SEPTIN11: variants seen among roughly 807,000 people sequenced by gnomAD.
SEPTIN11 encodes septin-11.
SEPTIN11 carries 25 observed loss-of-function variants against 51.4 expected under a neutral mutation model. That is an observed-to-expected ratio of 0.49 (90% CI 0.35 to 0.68). The LOEUF is 0.68. Among genes scored for constraint, SEPTIN11 ranks in the 30% least tolerant of loss-of-function variants. SEPTIN11 has a pLI of 0.00. For synonymous variants in SEPTIN11, 174 were observed against 184.1 expected (o/e 0.95, Z 0.44); for missense variants, 381 against 520.8 (o/e 0.73, Z 2.61).
rs1374662852 is a variant in SEPTIN11, at chr4:77,038,289, G to T, written c.*3777G>T. 1 of 985,378 alleles carries T rather than the reference G, an allele frequency of 1.0e-6. No homozygotes were observed. The highest frequency in any genetic ancestry group is 1.2e-6 in the Non-Finnish European group (1 of 829,634). 61.0% of individuals were successfully genotyped at this position (985,378 alleles called of 1,614,324 possible). ...TCTTAATTTTAAAATATGCTGATAT[G>T]CCTTAAACTGTAGTTGTAGATCCTT... On this transcript the variant is annotated 3_prime_UTR_variant, in exon 10 of 10. Coordinates refer to ENST00000264893, the MANE Select transcript of SEPTIN11 (RefSeq NM_018243.4).
chr4:77,026,010 A>G (rs1355829526), intron 7 of SEPTIN11, among the ~76,000 whole-genome samples: 15 of 152,154 alleles, frequency 9.9e-5, no homozygotes, highest in African/African-American at 3.6e-4. Flanking sequence ...TTTCACTATA[A>G]AAAGCATTTT....
At chr4:77,018,277 C>T (rs186180704) in intron 5 of SEPTIN11, among the ~76,000 whole-genome samples, 104 of 152,086 alleles carry the variant, frequency 6.8e-4, no homozygotes, top group African/African-American at 1.9e-3. Context: ...GGTGAAACCC[C>T]GTTTCTACTA....
intron 1 of SEPTIN11, among the ~76,000 whole-genome samples, chr4:76,966,459 A>G (rs550024697): frequency 1.3e-5 from 2 of 152,056 alleles, no homozygotes; most frequent in African/African-American, 4.8e-5. Flanking sequence ...CAAGATGAGT[A>G]TAGCTGACTT....
intron 1 of SEPTIN11, among the ~76,000 whole-genome samples, chr4:76,961,184 G>A (rs1215493436): frequency 1.3e-5 from 2 of 152,150 alleles, no homozygotes; most frequent in Non-Finnish European, 2.9e-5. Context: ...AAATAATAAG[G>A]CCCATTTTAT....
At chr4:77,029,789 T>TAC (rs202091484) in intron 8 of SEPTIN11, among the ~76,000 whole-genome samples, 6,830 of 151,810 alleles carry the variant, frequency 0.045, 232 homozygotes, top group East Asian at 0.094. Context: ...CACATATATA[T>TAC]ACACACACAT....
intron 2 of SEPTIN11, among the ~76,000 whole-genome samples, chr4:77,000,061 A>C (rs909012153): frequency 7.2e-5 from 11 of 152,210 alleles, no homozygotes; most frequent in African/African-American, 2.7e-4. Context: ...AAAAAACCTC[A>C]TCCACATTGA....
chr4:77,011,768 G>A lies in SEPTIN11; in HGVS notation c.372G>A (p.Gln124=). 2.5e-6 allele frequency: 4 copies of A among 1,614,134 alleles called. No individual in the cohort carries two copies. The highest frequency in any genetic ancestry group is 3.4e-6 in the Non-Finnish European group (4 of 1,179,994). Residue 124 remains glutamine, a synonymous_variant, in exon 4 of 10, where the codon CAG becomes CAA. Transcript: ENST00000264893. The stretch of plus-strand genomic sequence containing the variant: ...CGATAGTAGAATATATTGATGCCCA[G>A]TTCGAGGCCTACCTGCAAGAGGAAT... The part of the protein sequence containing the change: ...YKPIVEYIDA[Q]FEAYLQEELK...
intron 3 of SEPTIN11, among the ~76,000 whole-genome samples, chr4:77,006,819 G>A (rs1237295249): frequency 6.6e-6 from 1 of 152,102 alleles, no homozygotes; most frequent in South Asian, 2.1e-4. Flanking sequence ...GAAATGCCTA[G>A]ATATATTTTA....
chr4:76,977,598 G>A (rs1722560858), intron 1 of SEPTIN11, among the ~76,000 whole-genome samples: 1 of 151,994 alleles, frequency 6.6e-6, no homozygotes, highest in Admixed American at 6.6e-5. Context: ...GGATAATGGA[G>A]TTTCATCAGT....
intron 2 of SEPTIN11, among the ~76,000 whole-genome samples, chr4:76,998,371 C>T (rs767434847): frequency 6.6e-6 from 1 of 152,126 alleles, no homozygotes; most frequent in Non-Finnish European, 1.5e-5. Context: ...CTTTTGGTGG[C>T]TTACAGTTCT....
intron 1 of SEPTIN11, among the ~76,000 whole-genome samples, chr4:76,960,072 C>T (rs1721764115): frequency 1.3e-5 from 2 of 152,162 alleles, no homozygotes; most frequent in African/African-American, 2.4e-5. Flanking sequence ...GATCACTGCA[C>T]TTCGTGTAAG....
chr4:77,018,630 G>A (rs949433380), intron 5 of SEPTIN11, among the ~76,000 whole-genome samples: 1 of 152,108 alleles, frequency 6.6e-6, no homozygotes, highest in Non-Finnish European at 1.5e-5. Flanking sequence ...ATACCTTAAA[G>A]ATTTTCAATA....
At chr4:76,972,134 C>T (rs915091060) in intron 1 of SEPTIN11, among the ~76,000 whole-genome samples, 4 of 152,168 alleles carry the variant, frequency 2.6e-5, no homozygotes, top group African/African-American at 9.7e-5. Flanking sequence ...CACTACCTGC[C>T]CCCCTACTGC....
At chr4:76,976,281 TG>T (rs1408325226) in intron 1 of SEPTIN11, among the ~76,000 whole-genome samples, 1 of 152,238 alleles carries the variant, frequency 6.6e-6, no homozygotes, top group Non-Finnish European at 1.5e-5. Flanking sequence ...ATACCCCTTT[TG>T]ATACCTGGCT....
At chr4:76,976,560 G>A (rs28394586) in intron 1 of SEPTIN11, among the ~76,000 whole-genome samples, 1,640 of 152,218 alleles carry the variant, frequency 0.011, 30 homozygotes, top group African/African-American at 0.037. Flanking sequence ...GGCTGATTTT[G>A]TGGTATCTAA....
chr4:76,994,239 C>A (rs1409452469), intron 1 of SEPTIN11, among the ~76,000 whole-genome samples: 5 of 152,214 alleles, frequency 3.3e-5, no homozygotes, highest in Non-Finnish European at 7.3e-5. Context: ...TACTGCACAG[C>A]TAGGTGGAAA....
rs148667536 is a variant in SEPTIN11 at position 76,984,351 on chromosome 4, C to A, written c.28-12074C>A. On this transcript the variant is annotated intron_variant, in intron 1 of 9. Coordinates refer to ENST00000264893, the MANE Select transcript of SEPTIN11 (RefSeq NM_018243.4). The surrounding 1 kb of genome is among the most constrained non-coding windows in gnomAD (Gnocchi z 4.1). ...TTTTTTTCTTCTCTCACAGAGACTG[C>A]CATCACATGGCCATTACTGTAACTG... 1.5e-3 allele frequency among the ~76,000 whole-genome samples: 224 copies of A among 152,104 alleles called. No individual in the cohort carries two copies. Among genetic ancestry groups the A allele is most frequent in the African/African-American group, 5.1e-3 (212 of 41,490 alleles).
chr4:76,961,470 T>C (rs1347274622), intron 1 of SEPTIN11, among the ~76,000 whole-genome samples: 1 of 152,210 alleles, frequency 6.6e-6, no homozygotes, highest in Non-Finnish European at 1.5e-5. Flanking sequence ...GTACAGATGC[T>C]CCTCAGCTTG....
intron 7 of SEPTIN11, 150 bp from the exon 8 acceptor site, chr4:77,028,479 A>G: frequency 1.1e-6 from 1 of 880,428 alleles, no homozygotes; most frequent in South Asian, 1.9e-5. Context: ...GCATAACTAA[A>G]AGCAAAACAG....
Sources: allele counts gnomAD v4.1 joint callset (sites outside exome capture counted in the v4.1 genomes callset), GRCh38; gene constraint gnomAD v4.1.1; non-coding constraint Gnocchi (gnomAD v3.1); transcripts MANE v1.5; gene names NCBI Gene and HGNC (gene_info 2026-07-23, HGNC 2026-07-21).